The following SMOC2 variants were observed in gnomAD, a reference collection of about 807,000 sequenced individuals.
SMOC2 encodes the protein SPARC-related modular calcium-binding protein 2.
Under a neutral mutation model 61.4 loss-of-function variants are expected in SMOC2, and 39 were observed. That is an observed-to-expected ratio of 0.64 (90% CI 0.49 to 0.83). The LOEUF is 0.83. Among genes scored for constraint, SMOC2 ranks in the 40% least tolerant of loss-of-function variants. The pLI is 0.00. For missense variants in SMOC2, 556 were observed against 592.9 expected (o/e 0.94, Z 0.65); for synonymous variants, 247 against 239.9 (o/e 1.03, Z -0.27).
intron 7 of SMOC2, among the ~76,000 whole-genome samples, chr6:168,554,525 G>T (rs990775028): frequency 1.3e-5 from 2 of 152,204 alleles, no homozygotes; most frequent in African/African-American, 4.8e-5. Flanking sequence ...AAGGGGTGGG[G>T]GTGGAGAGGA....
chr6:168,481,604 A>C (rs1782208548), intron 1 of SMOC2, among the ~76,000 whole-genome samples: 1 of 152,090 alleles, frequency 6.6e-6, no homozygotes, highest in South Asian at 2.1e-4. Flanking sequence ...GCAGGAAATG[A>C]GGGACAAAGT....
At chr6:168,581,867 G>A (rs1397850783) in intron 7 of SMOC2, among the ~76,000 whole-genome samples, 5 of 151,972 alleles carry the variant, frequency 3.3e-5, no homozygotes, top group South Asian at 2.1e-4. Context: ...GCACTCAGCC[G>A]CCTTCACCGC....
chr6:168,606,857 G>A (rs982428766), intron 8 of SMOC2, among the ~76,000 whole-genome samples: 3 of 152,146 alleles, frequency 2.0e-5, no homozygotes, highest in Non-Finnish European at 2.9e-5. Flanking sequence ...GGCGGGCACT[G>A]CGTCTCCCAG....
intron 1 of SMOC2, among the ~76,000 whole-genome samples, chr6:168,477,212 A>G (rs567915495): frequency 7.2e-5 from 11 of 152,336 alleles, no homozygotes; most frequent in Non-Finnish European, 1.3e-4. Flanking sequence ...CATGCTAAAG[A>G]CAAAATTGAG....
At chr6:168,540,326 T>A (rs1783850053) in intron 4 of SMOC2, among the ~76,000 whole-genome samples, 1 of 152,146 alleles carries the variant, frequency 6.6e-6, no homozygotes, top group Admixed American at 6.5e-5. Flanking sequence ...GTGGGGAGCA[T>A]TGCTCTTCCG....
intron 2 of SMOC2, 49 bp downstream of exon 2, chr6:168,510,135 A>G (rs1782972915): frequency 1.9e-6 from 3 of 1,547,894 alleles, no homozygotes; most frequent in Non-Finnish European, 2.7e-6. Context: ...ATCCATCATC[A>G]AAATGAATGC....
chr6:168,519,680 G>C (rs779006382), intron 2 of SMOC2, among the ~76,000 whole-genome samples: 10 of 152,144 alleles, frequency 6.6e-5, no homozygotes, highest in Non-Finnish European at 1.0e-4. Context: ...GGGCCTCTCC[G>C]CACAGCCTAG....
chr6:168,615,118 C>T (rs112602211), intron 9 of SMOC2, among the ~76,000 whole-genome samples: 1 of 34,880 alleles, frequency 2.9e-5, no homozygotes, highest in Non-Finnish European at 5.4e-5. Flanking sequence ...GCACAGGGGG[C>T]CTCTTTACAT....
intron 2 of SMOC2, among the ~76,000 whole-genome samples, chr6:168,524,833 G>C (rs769049923): frequency 2.6e-5 from 4 of 152,268 alleles, no homozygotes; most frequent in Non-Finnish European, 5.9e-5. Context: ...AATGCTCTAT[G>C]CAGCATGTGG....
intron 9 of SMOC2, among the ~76,000 whole-genome samples, chr6:168,637,490 A>G (rs903491572): frequency 6.6e-6 from 1 of 152,168 alleles, no homozygotes; most frequent in East Asian, 1.9e-4. Flanking sequence ...TTCTTACCCA[A>G]TTCTATCACA....
At chr6:168,600,421 AC>A (rs57246453) in intron 8 of SMOC2, among the ~76,000 whole-genome samples, 61,830 of 112,702 alleles carry the variant, frequency 0.55, 20,610 homozygotes, top group Middle Eastern at 0.63. Flanking sequence ...AAAAAAAAAA[AC>A]AAAAAAAAAA....
At chr6:168,582,242 G>T (rs116214482) in intron 7 of SMOC2, among the ~76,000 whole-genome samples, 46,718 of 151,864 alleles carry the variant, frequency 0.31, 7,294 homozygotes, top group African/African-American at 0.35. Context: ...TTGAAGGGAT[G>T]TCATGGATTG....
At chr6:168,655,531 C>G (rs908873925) in intron 11 of SMOC2, 3 of 411,508 alleles carry the variant, frequency 7.3e-6, no homozygotes, top group Non-Finnish European at 1.5e-5. Context: ...CACATGCGTG[C>G]TAGATACTCC....
At chr6:168,608,493 G>T (rs183415328) in intron 9 of SMOC2, among the ~76,000 whole-genome samples, 3 of 152,038 alleles carry the variant, frequency 2.0e-5, no homozygotes, top group African/African-American at 7.2e-5. Context: ...AGAAAGAAAG[G>T]GCCCCTCACA....
chr6:168,519,121 ATGCATGTGTATGTG>A (rs1562567199), intron 2 of SMOC2, among the ~76,000 whole-genome samples: 2 of 127,282 alleles, frequency 1.6e-5, no homozygotes, highest in African/African-American at 6.1e-5. Flanking sequence ...GTGTGTATGC[ATGCATGTGTATGTG>A]TGCATGTGTG....
At chr6:168,543,457 G>A (rs1353985244) in intron 4 of SMOC2, among the ~76,000 whole-genome samples, 168 bp from the exon 5 acceptor site, 3 of 152,150 alleles carry the variant, frequency 2.0e-5, no homozygotes, top group Non-Finnish European at 4.4e-5. Flanking sequence ...GAGTGTTTAG[G>A]TGACAGTGTC....
intron 7 of SMOC2, among the ~76,000 whole-genome samples, chr6:168,554,131 C>A (rs778094664): frequency 6.6e-6 from 1 of 151,728 alleles, no homozygotes; most frequent in Non-Finnish European, 1.5e-5. Flanking sequence ...CTTTGAACTG[C>A]GTGTGCTGTG....
intron 7 of SMOC2, among the ~76,000 whole-genome samples, chr6:168,583,620 A>G (rs1784974184): frequency 6.6e-6 from 1 of 152,170 alleles, no homozygotes; most frequent in Non-Finnish European, 1.5e-5. Flanking sequence ...TAGCAGCAGC[A>G]GAGGCACACG....
intron 9 of SMOC2, among the ~76,000 whole-genome samples, chr6:168,649,247 A>C (rs1169848985): frequency 6.6e-6 from 1 of 152,174 alleles, no homozygotes; most frequent in Non-Finnish European, 1.5e-5. Context: ...GCCGTCTAAA[A>C]CTTTTCTTAG....
Sources: allele counts gnomAD v4.1 joint callset (sites outside exome capture counted in the v4.1 genomes callset), GRCh38; gene constraint gnomAD v4.1.1; transcripts MANE v1.5; gene names NCBI Gene and HGNC (gene_info 2026-07-23, HGNC 2026-07-21).